The following MICU1 variants were observed in gnomAD, a reference collection of about 807,000 sequenced individuals.
MICU1 encodes mitochondrial calcium uptake 1.
A neutral mutation model predicts 56.8 loss-of-function variants in MICU1; 45 were observed. The ratio of observed to expected loss-of-function variants is 0.79; its 90% CI spans 0.62 to 1.02. MICU1 has a LOEUF of 1.02. MICU1 is among the 50% of genes least tolerant of loss of function. The pLI is 0.00. For synonymous variants in MICU1, 186 were observed against 195.1 expected (o/e 0.95, Z 0.39); for missense variants, 504 against 587.1 (o/e 0.86, Z 1.46).
intron 10 of MICU1, among the ~76,000 whole-genome samples, chr10:72,397,730 T>G (rs896535237): frequency 2.6e-5 from 4 of 152,138 alleles, no homozygotes; most frequent in Non-Finnish European, 5.9e-5. Context: ...CAAGAAGAGC[T>G]AACTATCCTA....
chr10:72,375,953 G>T, intron 10 of MICU1, 81 bp from the exon 11 acceptor site: 1 of 1,272,120 alleles, frequency 7.9e-7, no homozygotes, highest in Non-Finnish European at 1.1e-6. Flanking sequence ...AAACGACTCA[G>T]TCATAATACA....
intron 8 of MICU1, among the ~76,000 whole-genome samples, chr10:72,451,256 C>T (rs1211069936): frequency 6.6e-6 from 1 of 152,042 alleles, no homozygotes; most frequent in African/African-American, 2.4e-5. Context: ...ATCTCCTGAC[C>T]TTGTGATCTG....
At chr10:72,504,636 T>A (rs1444787102) in intron 6 of MICU1, among the ~76,000 whole-genome samples, 2 of 152,108 alleles carry the variant, frequency 1.3e-5, no homozygotes, top group African/African-American at 4.8e-5. Flanking sequence ...TGAGACCTAA[T>A]TAAACTAAAG....
At chr10:72,513,997 T>G (rs905606300) in intron 5 of MICU1, among the ~76,000 whole-genome samples, 9 of 152,042 alleles carry the variant, frequency 5.9e-5, no homozygotes, top group Middle Eastern at 3.4e-3. Flanking sequence ...TTTTAAAGTA[T>G]AAGTCTCTTC....
At chr10:72,538,024 C>CCTT (rs1839679441) in intron 4 of MICU1, among the ~76,000 whole-genome samples, 10 of 152,108 alleles carry the variant, frequency 6.6e-5, no homozygotes, top group Admixed American at 6.5e-4. Flanking sequence ...AATTAGTACT[C>CCTT]AGTTACACTT....
At chr10:72,483,320 G>A (rs1866364715) in intron 6 of MICU1, 2 of 159,450 alleles carry the variant, frequency 1.3e-5, no homozygotes, top group African/African-American at 2.4e-5. Context: ...CCAGATGGCT[G>A]GAGGGCATCT....
chr10:72,389,150 G>A (rs1347565106), intron 10 of MICU1, among the ~76,000 whole-genome samples: 1 of 152,152 alleles, frequency 6.6e-6, no homozygotes, highest in African/African-American at 2.4e-5. Context: ...TTCAGGAGTG[G>A]GTGGCAGCTT....
chr10:72,585,846 A>C (rs1841034250), intron 1 of MICU1, among the ~76,000 whole-genome samples: 1 of 152,004 alleles, frequency 6.6e-6, no homozygotes, highest in Non-Finnish European at 1.5e-5. Flanking sequence ...AAAATGGTAT[A>C]ATATTTGCAT....
rs76295230 is a variant in MICU1 at position 72,594,266 on chromosome 10, A to T, written c.-1-27472T>A. Among the ~76,000 whole-genome samples, 164 of 152,340 alleles carry T rather than the reference A, an allele frequency of 1.1e-3. 2 individuals are homozygous for T. Among genetic ancestry groups the T allele is most frequent in the Non-Finnish European group, 1.8e-3 (124 of 68,026 alleles). ...AGATCATTCAATGAGGGAAAGGACA[A>T]ATATAAGCATACTGAAGTATCAACA... On this transcript the variant is annotated intron_variant, in intron 1 of 11. Coordinates refer to ENST00000361114, the MANE Select transcript of MICU1 (RefSeq NM_001195518.2).
At chr10:72,417,470 A>AAAAAAAAAAAAAAG (rs1564855438) in intron 9 of MICU1, among the ~76,000 whole-genome samples, 1 of 149,206 alleles carries the variant, frequency 6.7e-6, no homozygotes, top group Non-Finnish European at 1.5e-5. Context: ...AAAAAAAAAA[A>AAAAAAAAAAAAAAG]AAAGAAATAT....
At chr10:72,516,793 T>C (rs1214062461) in intron 5 of MICU1, among the ~76,000 whole-genome samples, 1 of 152,222 alleles carries the variant, frequency 6.6e-6, no homozygotes, top group Non-Finnish European at 1.5e-5. Context: ...CATTGGTCTA[T>C]ATGTCGTTTT....
At chr10:72,373,577 G>T in intron 11 of MICU1, among the ~76,000 whole-genome samples, 1 of 152,036 alleles carries the variant, frequency 6.6e-6, no homozygotes, top group South Asian at 2.1e-4. Context: ...AAATCTCAGA[G>T]ATGTTAAATA....
At chr10:72,399,020 T>TGAAC in intron 10 of MICU1, among the ~76,000 whole-genome samples, 1 of 152,290 alleles carries the variant, frequency 6.6e-6, no homozygotes, top group South Asian at 2.1e-4. Context: ...ATATCCCTGA[T>TGAAC]GAACATCAAT....
At chr10:72,558,468 G>C (rs1840213275) in intron 3 of MICU1, among the ~76,000 whole-genome samples, 1 of 152,126 alleles carries the variant, frequency 6.6e-6, no homozygotes, top group African/African-American at 2.4e-5. Flanking sequence ...CAGAAAAGGA[G>C]GCATGAACCA....
At chr10:72,534,790 G>C (rs897415883) in intron 4 of MICU1, among the ~76,000 whole-genome samples, 3 of 152,000 alleles carry the variant, frequency 2.0e-5, no homozygotes, top group African/African-American at 7.2e-5. Context: ...CCAGAAGCCA[G>C]CCCTAAACAA....
intron 10 of MICU1, among the ~76,000 whole-genome samples, chr10:72,397,694 A>G (rs1863314501): frequency 1.3e-5 from 2 of 152,224 alleles, no homozygotes. Flanking sequence ...GAAGGCCATC[A>G]CATAATGGTA....
In MICU1 at chr10:72,551,287, G is replaced by T; in HGVS notation, c.385C>A (p.Arg129=). Residue 129 remains arginine (R), a synonymous_variant, in exon 4 of 12, where the codon CGA becomes AGA. Transcript: ENST00000361114. The part of the protein sequence containing the change: ...RAYSTPDKIF[R]YFATLKVISE... ...ATGACTTTCAAGGTGGCAAAATATC[G>T]GAAGATTTTGTCTGGCGTGGAGTAG... 1 of 1,613,264 alleles carries T rather than the reference G, an allele frequency of 6.2e-7. No individual in the cohort carries two copies. Among genetic ancestry groups the T allele is most frequent in the Non-Finnish European group, 8.5e-7 (1 of 1,179,568 alleles).
At chr10:72,469,466 G>A (rs1364693431) in intron 8 of MICU1, among the ~76,000 whole-genome samples, 1 of 152,140 alleles carries the variant, frequency 6.6e-6, no homozygotes, top group African/African-American at 2.4e-5. Context: ...CTCAATGAAA[G>A]GAGAAATTAC....
intron 10 of MICU1, among the ~76,000 whole-genome samples, chr10:72,395,234 C>T (rs1426421684): frequency 6.6e-6 from 1 of 151,972 alleles, no homozygotes; most frequent in African/African-American, 2.4e-5. Context: ...CCAGGATGGT[C>T]TCGATCTCCT....
Sources: gnomAD v4.1 joint callset for allele counts (sites outside exome capture counted in the v4.1 genomes callset) on GRCh38, gnomAD v4.1.1 for gene constraint, MANE v1.5 for transcripts, NCBI Gene and HGNC (gene_info 2026-07-23, HGNC 2026-07-21) for gene names.